PXDNL: variants seen among roughly 807,000 people sequenced by gnomAD.
PXDNL encodes peroxidasin like, also known as probable oxidoreductase PXDNL.
In PXDNL, 145 loss-of-function variants were observed where a neutral mutation model predicts 150.8. The ratio of observed to expected loss-of-function variants is 0.96; its 90% CI spans 0.84 to 1.10. The LOEUF is 1.10. Among genes scored for constraint, PXDNL ranks in the 50% least tolerant of loss-of-function variants. The pLI is 0.00. For synonymous variants in PXDNL, 757 were observed against 725.7 expected, an observed-to-expected ratio of 1.04 and a Z score of -0.69; for missense variants, 2,087 against 1,873.9, an observed-to-expected ratio of 1.11 and a Z score of -2.10.
At chr8:51,384,300 A>G (rs1259799391) in intron 17 of PXDNL, among the ~76,000 whole-genome samples, 10 of 152,022 alleles carry the variant, frequency 6.6e-5, no homozygotes, top group Non-Finnish European at 1.2e-4. Context: ...ATCCTACCCC[A>G]CTAGCATGAT....
At chr8:51,576,066 ATAGT>A (rs1813044981) in intron 3 of PXDNL, among the ~76,000 whole-genome samples, 2 of 120,990 alleles carry the variant, frequency 1.7e-5, no homozygotes, top group Non-Finnish European at 3.2e-5. Flanking sequence ...ATGCATAGTT[ATAGT>A]TAAAGATTTT....
chr8:51,323,006 T>C (rs1805375264), intron 21 of PXDNL, among the ~76,000 whole-genome samples: 1 of 152,164 alleles, frequency 6.6e-6, no homozygotes, highest in Non-Finnish European at 1.5e-5. Context: ...AATGCAGGCT[T>C]GAATGACAAG....
At chr8:51,463,984 G>C (rs1586127611) in intron 8 of PXDNL, among the ~76,000 whole-genome samples, 1 of 150,124 alleles carries the variant, frequency 6.7e-6, no homozygotes, top group East Asian at 2.0e-4. Flanking sequence ...CCTACATGAA[G>C]TTAAGAAAGA....
Position 51,409,050 on chromosome 8 carries a change from G to A in PXDNL, c.2574C>T (p.Pro858=), listed in dbSNP as rs781173900. 3.1e-6 allele frequency: 5 copies of A among 1,610,062 alleles called. No homozygotes were observed. The highest frequency in any genetic ancestry group is 1.7e-5 in the Admixed American group (1 of 59,970). ...RHADPRGTHA[P]CMLFARSSPA... ...GGCTGGAGCGCGCGAAGAGCATGCA[G>A]GGCGCGTGGGTGCCCCGGGGGTCGG... The change falls in exon 17 of 23, where the codon CCC becomes CCT. Residue 858 remains proline (P), a synonymous_variant. Coordinates refer to ENST00000356297, the MANE Select transcript of PXDNL (RefSeq NM_144651.5).
At chr8:51,779,920 G>A (rs908401183) in intron 1 of PXDNL, among the ~76,000 whole-genome samples, 3 of 152,114 alleles carry the variant, frequency 2.0e-5, no homozygotes, top group Non-Finnish European at 2.9e-5. Flanking sequence ...TGTTAGAAAC[G>A]CAGAGCCTCA....
intron 17 of PXDNL, 132 bp downstream of exon 17, chr8:51,407,935 T>A (rs1808481150): frequency 1.4e-6 from 1 of 718,196 alleles, no homozygotes; most frequent in Admixed American, 3.1e-5. Flanking sequence ...ATATTAAACC[T>A]CTCCAACAAT....
At chr8:51,633,772 G>A (rs1263368824) in intron 2 of PXDNL, among the ~76,000 whole-genome samples, 1 of 152,116 alleles carries the variant, frequency 6.6e-6, no homozygotes, top group Non-Finnish European at 1.5e-5. Flanking sequence ...TTGGCCGCTT[G>A]TATGTCTTTC....
At chr8:51,597,116 T>C (rs1400683584) in intron 2 of PXDNL, among the ~76,000 whole-genome samples, 2 of 152,224 alleles carry the variant, frequency 1.3e-5, no homozygotes, top group African/African-American at 4.8e-5. Flanking sequence ...TTCATTCTTC[T>C]ACATATGGCT....
At chr8:51,547,041 C>G (rs559190430) in intron 4 of PXDNL, among the ~76,000 whole-genome samples, 2 of 152,196 alleles carry the variant, frequency 1.3e-5, no homozygotes, top group Non-Finnish European at 2.9e-5. Context: ...ATCCTGCCCC[C>G]ACCTGATGGT....
At chr8:51,623,629 C>G (rs1300442953) in intron 2 of PXDNL, among the ~76,000 whole-genome samples, 1 of 152,210 alleles carries the variant, frequency 6.6e-6, no homozygotes, top group Non-Finnish European at 1.5e-5. Flanking sequence ...CCAGCAGACC[C>G]GTGGGCACGC....
chr8:51,710,073 G>T (rs2130897350), intron 1 of PXDNL, among the ~76,000 whole-genome samples: 1 of 152,280 alleles, frequency 6.6e-6, no homozygotes, highest in South Asian at 2.1e-4. Context: ...TGAAAAAAGA[G>T]ATAAAAATAT....
chr8:51,410,197 C>T (rs1453094474), intron 16 of PXDNL, among the ~76,000 whole-genome samples: 5 of 152,204 alleles, frequency 3.3e-5, no homozygotes, highest in Admixed American at 3.3e-4. Context: ...TATAAGCTGT[C>T]ATTCCCTGGC....
rs1300640559 is a variant in PXDNL, at chr8:51,345,826, T to C, written c.4016+7A>G. Reference sequence around the variant, plus strand: ...TGCCTAAAGAAATGAGATATTTCTATACATACCTACTTCTTAGATGACTTA... The same window carrying C: ...TGCCTAAAGAAATGAGATATTTCTACACATACCTACTTCTTAGATGACTTA... On this transcript the variant is annotated splice_region_variant and intron_variant, in intron 20 of 22. Transcript: ENST00000356297. 2.0e-6 allele frequency: 3 copies of C among 1,532,594 alleles called. No homozygotes were observed. Among genetic ancestry groups the C allele is most frequent in the Admixed American group, 3.4e-5 (2 of 59,552 alleles). 94.9% of individuals were successfully genotyped at this position (1,532,594 alleles called of 1,614,324 possible).
In PXDNL at chr8:51,610,205, T is replaced by C. The variant is rs534275261; in HGVS notation, c.237-17507A>G. On this transcript the variant is annotated intron_variant, in intron 2 of 22. Coordinates refer to ENST00000356297, the MANE Select transcript of PXDNL (RefSeq NM_144651.5). ...TGGTCCTTGTGAGAAGAGACACCCA[T>C]TTTAAGCAACAAGAAGCCTGTGCCA... Among the ~76,000 whole-genome samples the C allele has an allele frequency of 2.6e-5, 4 of 152,270 alleles. No homozygotes were observed. The South Asian group carries it at 8.3e-4, about 32-fold the overall frequency.
chr8:51,520,242 A>G (rs763039791), intron 4 of PXDNL, among the ~76,000 whole-genome samples: 7 of 152,192 alleles, frequency 4.6e-5, no homozygotes, highest in Non-Finnish European at 7.3e-5. Context: ...AGAGGGCAAT[A>G]GTGAAATCCC....
At chr8:51,765,179 T>C (rs1254231495) in intron 1 of PXDNL, among the ~76,000 whole-genome samples, 1 of 152,154 alleles carries the variant, frequency 6.6e-6, no homozygotes, top group Non-Finnish European at 1.5e-5. Flanking sequence ...GAATTGTAGC[T>C]CCCATAATTC....
chr8:51,400,248 T>C (rs1181042275), intron 17 of PXDNL, among the ~76,000 whole-genome samples: 1 of 152,194 alleles, frequency 6.6e-6, no homozygotes, highest in Non-Finnish European at 1.5e-5. Context: ...ATATTGCAGC[T>C]GAAGGGGGCT....
intron 1 of PXDNL, among the ~76,000 whole-genome samples, chr8:51,759,678 A>C (rs565751377): frequency 4.6e-5 from 7 of 152,356 alleles, no homozygotes; most frequent in African/African-American, 1.4e-4. Flanking sequence ...GCAAGAAACT[A>C]AATAGCAATA....
chr8:51,795,140 T>C (rs1036016871), intron 1 of PXDNL, among the ~76,000 whole-genome samples: 7 of 152,058 alleles, frequency 4.6e-5, no homozygotes, highest in African/African-American at 1.7e-4. Context: ...CCCAGATTCA[T>C]AAAAAAAGCT....
Sources: gnomAD v4.1 joint callset for allele counts (sites outside exome capture counted in the v4.1 genomes callset) on GRCh38, gnomAD v4.1.1 for gene constraint, MANE v1.5 for transcripts, NCBI Gene and HGNC (gene_info 2026-07-23, HGNC 2026-07-21) for gene names.